The following ZC3H6 variants were observed in gnomAD, a reference collection of about 807,000 sequenced individuals.
The protein encoded by ZC3H6 is zinc finger CCCH domain-containing protein 6.
ZC3H6 carries 40 observed loss-of-function variants against 107.7 expected under a neutral mutation model. The observed-to-expected ratio is 0.37, with a 90% confidence interval of 0.29 to 0.48. ZC3H6 has a LOEUF of 0.48. ZC3H6 is among the 20% of genes least tolerant of loss of function. The probability of loss-of-function intolerance (pLI) is 0.98; values close to 1 mark genes in which losing one functional copy is unlikely to be tolerated. For missense variants in ZC3H6, 1,267 were observed against 1,410.4 expected (o/e 0.90, Z 1.63); for synonymous variants, 493 against 487.9 (o/e 1.01, Z -0.14).
chr2:112,277,122 T>C (rs1244611402), intron 1 of ZC3H6, among the ~76,000 whole-genome samples: 1 of 152,162 alleles, frequency 6.6e-6, no homozygotes, highest in Admixed American at 6.5e-5. Context: ...CCTAGCAATC[T>C]TGAGAGGGAT....
chr2:112,306,327 C>T (rs1676476784), intron 3 of ZC3H6, among the ~76,000 whole-genome samples: 1 of 152,070 alleles, frequency 6.6e-6, no homozygotes, highest in African/African-American at 2.4e-5. Context: ...CATACGCCAC[C>T]ACACTTGGCT....
At chr2:112,284,796 C>T (rs572837403) in intron 1 of ZC3H6, among the ~76,000 whole-genome samples, 2 of 152,102 alleles carry the variant, frequency 1.3e-5, no homozygotes, top group Non-Finnish European at 2.9e-5. Flanking sequence ...GGTTTTCCTC[C>T]TTATAAAATT....
intron 1 of ZC3H6, among the ~76,000 whole-genome samples, chr2:112,278,200 C>G (rs1309123539): frequency 6.6e-6 from 1 of 152,200 alleles, no homozygotes; most frequent in East Asian, 1.9e-4. Flanking sequence ...TTCCAAAATA[C>G]TGTATCTTTC....
chr2:112,275,608 G>C lies in ZC3H6; in HGVS notation c.-387G>C. The stretch of plus-strand genomic sequence containing the variant: ...GTGTTGCGGCCGGCGCCATTTTCTC[G>C]AGCCGCCTGTTTCGGGTGCCGCCAT... On this transcript the variant is annotated 5_prime_UTR_variant, in exon 1 of 12. Coordinates refer to ENST00000409871, the MANE Select transcript of ZC3H6 (RefSeq NM_198581.3). 1 of 400,746 alleles carries C rather than the reference G, an allele frequency of 2.5e-6. No homozygotes were observed. The highest frequency in any genetic ancestry group is 4.4e-6 in the Non-Finnish European group (1 of 226,602). 24.8% of individuals were successfully genotyped at this position (400,746 alleles called of 1,614,324 possible).
At chr2:112,283,101 A>G (rs1322362932) in intron 1 of ZC3H6, among the ~76,000 whole-genome samples, 1 of 151,938 alleles carries the variant, frequency 6.6e-6, no homozygotes, top group Admixed American at 6.6e-5. Flanking sequence ...GTTCTGGTTT[A>G]TGTTTTAGTT....
intron 1 of ZC3H6, among the ~76,000 whole-genome samples, chr2:112,295,682 T>G (rs552526975): frequency 1.5e-3 from 223 of 152,318 alleles, no homozygotes; most frequent in Non-Finnish European, 2.7e-3. Flanking sequence ...TCGCATTTTT[T>G]GTAGCCATAC....
chr2:112,287,033 A>G (rs1686622222), intron 1 of ZC3H6, among the ~76,000 whole-genome samples: 1 of 152,170 alleles, frequency 6.6e-6, no homozygotes, highest in East Asian at 1.9e-4. Flanking sequence ...ACTAGGTAAC[A>G]GGCAGTTTCA....
intron 1 of ZC3H6, among the ~76,000 whole-genome samples, chr2:112,289,825 C>T (rs879300408): frequency 2.0e-4 from 31 of 152,328 alleles, no homozygotes; most frequent in African/African-American, 5.5e-4. Flanking sequence ...ACTCTAGCCT[C>T]GACCTCCCAG....
Position 112,331,545 on chromosome 2 carries a change from A to G in ZC3H6, c.2627A>G (p.His876Arg). 1 of 1,613,990 alleles carries G rather than the reference A, an allele frequency of 6.2e-7. No homozygotes were observed. Among genetic ancestry groups the G allele is most frequent in the Non-Finnish European group, 8.5e-7 (1 of 1,179,890 alleles). The part of the protein sequence containing the change: ...ITLTKPNFAK[H>R]IVWAPEDLLP... ...CTAACCAAACCCAACTTTGCAAAACACATCGTGTGGGCTCCCGAAGACTTA... is the reference window on the plus strand; with the variant it reads ...CTAACCAAACCCAACTTTGCAAAACGCATCGTGTGGGCTCCCGAAGACTTA... Residue 876 changes from histidine to arginine, a missense_variant, in exon 12 of 12, where the codon CAC becomes CGC. Physicochemically the swap from His to Arg is conservative, Grantham distance 29 (BLOSUM62 0). Transcript: ENST00000409871.
At chr2:112,289,044 C>CT (rs961183706) in intron 1 of ZC3H6, among the ~76,000 whole-genome samples, 30 of 61,166 alleles carry the variant, frequency 4.9e-4, no homozygotes, top group South Asian at 6.0e-4. Flanking sequence ...CTGAACCACT[C>CT]TTTTTTTTCT....
In ZC3H6 at chr2:112,275,907, C is replaced by A; in HGVS notation, c.-88C>A. On this transcript the variant is annotated 5_prime_UTR_variant, in exon 1 of 12. Coordinates refer to ENST00000409871, the MANE Select transcript of ZC3H6 (RefSeq NM_198581.3). ...TCGGCGGCGGCCGGGAGCAGGTTCCCGCAGGCGGCGCGGGGGGTCTTCCCC... is the reference window on the plus strand; with the variant it reads ...TCGGCGGCGGCCGGGAGCAGGTTCCAGCAGGCGGCGCGGGGGGTCTTCCCC... 1 of 1,250,822 alleles carries A rather than the reference C, an allele frequency of 8.0e-7. No individual in the cohort carries two copies. The highest frequency in any genetic ancestry group is 1.1e-6 in the Non-Finnish European group (1 of 921,394). 77.5% of individuals were successfully genotyped at this position (1,250,822 alleles called of 1,614,324 possible). A position where few individuals can be genotyped will look rare whatever the true frequency, so the allele number is the denominator to read the frequency against.
rs973482793 is a variant in ZC3H6 at position 112,328,102 on chromosome 2, G to A, written c.2087-2903G>A. ...AGACACGGTTTTACCACGTTGGCCA[G>A]GTTGGTCTCAAATGCCTGGCCTCAA... On this transcript the variant is annotated intron_variant, in intron 11 of 11. Transcript: ENST00000409871. Among the ~76,000 whole-genome samples the A allele has an allele frequency of 5.3e-5, 8 of 152,216 alleles. No individual in the cohort carries two copies. In the Middle Eastern group the frequency reaches 0.014, roughly 261 times the overall value.
At chr2:112,297,285 TATC>T (rs1341217342) in intron 1 of ZC3H6, among the ~76,000 whole-genome samples, 1 of 152,236 alleles carries the variant, frequency 6.6e-6, no homozygotes, top group Non-Finnish European at 1.5e-5. Flanking sequence ...TATCATATCA[TATC>T]ATTGAAGATT....
At chr2:112,282,620 C>T (rs1176835607) in intron 1 of ZC3H6, among the ~76,000 whole-genome samples, 3 of 152,200 alleles carry the variant, frequency 2.0e-5, no homozygotes, top group Admixed American at 2.0e-4. Context: ...CCAGAGCCCA[C>T]TCTCTTATCT....
chr2:112,289,306 C>CT (rs1170893953), intron 1 of ZC3H6, among the ~76,000 whole-genome samples: 13 of 140,168 alleles, frequency 9.3e-5, no homozygotes, highest in Non-Finnish European at 1.9e-4. Flanking sequence ...GCCCTGAACA[C>CT]TTTTTTTTTC....
chr2:112,310,451 C>T (rs1353324846), intron 4 of ZC3H6, among the ~76,000 whole-genome samples: 4 of 152,148 alleles, frequency 2.6e-5, no homozygotes, highest in African/African-American at 7.2e-5. Context: ...TGTCAGTATA[C>T]AGTTATCTCT....
At chr2:112,313,267 A>G (rs978187548) in intron 5 of ZC3H6, among the ~76,000 whole-genome samples, 3 of 152,138 alleles carry the variant, frequency 2.0e-5, no homozygotes, top group Non-Finnish European at 2.9e-5. Flanking sequence ...TGGAATTACT[A>G]TGGTTATTAT....
At chr2:112,303,764 T>C (rs980500025) in intron 3 of ZC3H6, among the ~76,000 whole-genome samples, 2 of 152,212 alleles carry the variant, frequency 1.3e-5, no homozygotes, top group Non-Finnish European at 2.9e-5. Flanking sequence ...TGTGTATATA[T>C]CACATTTTGT....
At chr2:112,327,583 C>G (rs1676926055) in intron 11 of ZC3H6, among the ~76,000 whole-genome samples, 1 of 152,094 alleles carries the variant, frequency 6.6e-6, no homozygotes, top group Non-Finnish European at 1.5e-5. Context: ...AAATCTTTGC[C>G]CAGACCAGTG....
Sources: allele counts gnomAD v4.1 joint callset (sites outside exome capture counted in the v4.1 genomes callset), GRCh38; gene constraint gnomAD v4.1.1; transcripts MANE v1.5; gene names NCBI Gene and HGNC (gene_info 2026-07-23, HGNC 2026-07-21).